Variants in C2CD3 observed in about 807,000 individuals in gnomAD.
The protein encoded by C2CD3 is C2 domain containing 3 centriole elongation regulator, also known as C2 domain-containing protein 3.
C2CD3 carries 148 observed loss-of-function variants against 234.0 expected under a neutral mutation model. That is an observed-to-expected ratio of 0.63 (90% CI 0.55 to 0.72). The LOEUF (loss-of-function observed/expected upper bound fraction) is 0.72, where lower values mean the gene tolerates loss of function less well. Ranked by LOEUF, C2CD3 falls within the 30% of genes least tolerant of loss-of-function variation. C2CD3 has a pLI of 0.00. For missense variants in C2CD3, 2,577 were observed against 2,811.5 expected (o/e 0.92, Z 1.89); for synonymous variants, 1,000 against 1,035.4 (o/e 0.97, Z 0.66).
At position 74,093,901 on chromosome 11, in the gene C2CD3, C is replaced by G. The variant is rs773620547; in HGVS notation, c.3259G>C (p.Val1087Leu). The change falls in exon 18 of 33, where the codon GTT (valine) becomes CTT (leucine). Residue 1087 changes from valine (V) to leucine (L), a missense_variant. By Grantham distance (32) the Val-to-Leu change is conservative. Transcript: ENST00000334126. ...CTTAGTAGGAGCCTTTGCACTGGAA[C>G]CTCAGCTGGCAACAGGAGAGAGTGA... ...HHHSLLLPAE[V>L]PVQRLLLSAF... 6.2e-7 allele frequency: 1 copy of G among 1,614,070 alleles called. No individual in the cohort carries two copies. The highest frequency in any genetic ancestry group is 8.5e-7 in the Non-Finnish European group (1 of 1,179,952).
chr11:74,087,781 C>T (rs182078477), intron 20 of C2CD3, among the ~76,000 whole-genome samples: 9 of 152,246 alleles, frequency 5.9e-5, no homozygotes, highest in African/African-American at 2.2e-4. Flanking sequence ...GTGTGTCATG[C>T]CTTGGGCTCA....
chr11:74,131,705 C>A (rs571736756), intron 7 of C2CD3, among the ~76,000 whole-genome samples: 9 of 152,122 alleles, frequency 5.9e-5, no homozygotes, highest in Admixed American at 3.3e-4. Context: ...CCTGCCTCAG[C>A]CTCCTGAGTA....
chr11:74,138,635 T>G, intron 5 of C2CD3, 85 bp downstream of exon 5: 1 of 1,080,214 alleles, frequency 9.3e-7, no homozygotes, highest in Non-Finnish European at 1.4e-6. Context: ...AACAAGAGTC[T>G]TGGTTCTCTT....
intron 26 of C2CD3, among the ~76,000 whole-genome samples, chr11:74,051,910 G>T (rs569793239): frequency 2.0e-5 from 3 of 152,270 alleles, no homozygotes; most frequent in South Asian, 4.1e-4. Context: ...AACACAGCTT[G>T]GTTGGATTTG....
chr11:74,034,390 C>A, intron 30 of C2CD3, 112 bp from the exon 31 acceptor site: 1 of 1,491,516 alleles, frequency 6.7e-7, no homozygotes. Flanking sequence ...TCTGAACAAA[C>A]CATAAAGAAA....
intron 3 of C2CD3, among the ~76,000 whole-genome samples, chr11:74,159,380 C>T (rs151250773): frequency 2.6e-5 from 4 of 152,194 alleles, no homozygotes; most frequent in African/African-American, 9.6e-5. Flanking sequence ...GAAGAAGGCA[C>T]TGTTATCATA....
At chr11:74,040,511 G>A (rs975538685) in intron 29 of C2CD3, among the ~76,000 whole-genome samples, 5 of 151,160 alleles carry the variant, frequency 3.3e-5, no homozygotes, top group African/African-American at 9.7e-5. Flanking sequence ...AATGGCTCAC[G>A]CCTGTAATCC....
At chr11:74,033,146 C>G (rs759126024) in intron 31 of C2CD3, among the ~76,000 whole-genome samples, 2 of 152,136 alleles carry the variant, frequency 1.3e-5, no homozygotes, top group African/African-American at 2.4e-5. Context: ...CTACGAATGC[C>G]TAAACCCAGT....
At chr11:74,160,568 T>C (rs964763914) in intron 3 of C2CD3, among the ~76,000 whole-genome samples, 4 of 151,936 alleles carry the variant, frequency 2.6e-5, no homozygotes, top group Non-Finnish European at 5.9e-5. Flanking sequence ...AGCAGAATAG[T>C]AGTTAACAAA....
At chr11:74,113,170 T>C (rs926458114) in intron 11 of C2CD3, 12 of 152,826 alleles carry the variant, frequency 7.9e-5, no homozygotes, top group African/African-American at 2.9e-4. Context: ...AAAAATATTA[T>C]GGTAAGTCAA....
At chr11:74,111,199 C>T (rs1413538774) in intron 11 of C2CD3, among the ~76,000 whole-genome samples, 1 of 152,182 alleles carries the variant, frequency 6.6e-6, no homozygotes, top group African/African-American at 2.4e-5. Flanking sequence ...TGAGTTTCCT[C>T]TTTCCTCTTT....
At chr11:74,082,418 T>G (rs947754412) in intron 22 of C2CD3, among the ~76,000 whole-genome samples, 2 of 152,158 alleles carry the variant, frequency 1.3e-5, no homozygotes, top group African/African-American at 4.8e-5. Flanking sequence ...CCCGGCTGAC[T>G]GTGGGTTTAT....
At chr11:74,115,207 C>G (rs1023820251) in intron 9 of C2CD3, among the ~76,000 whole-genome samples, 1 of 151,606 alleles carries the variant, frequency 6.6e-6, no homozygotes, top group Non-Finnish European at 1.5e-5. Context: ...CACACACACA[C>G]ACATACATAC....
rs561793316 is a variant in C2CD3 at position 74,050,676 on chromosome 11, G to A, written c.5156-1134C>T. Among the ~76,000 whole-genome samples the A allele has an allele frequency of 3.3e-5, 5 of 152,328 alleles. No homozygotes were observed. In the East Asian group the frequency reaches 9.6e-4, roughly 29 times the overall value. On this transcript the variant is annotated intron_variant, in intron 26 of 32. Coordinates refer to ENST00000334126, the MANE Select transcript of C2CD3 (RefSeq NM_001286577.2). ...CCACAGTTCCTTGGGCACATTCCTG[G>A]TGACACTAAATTCATCACATACTGC...
chr11:74,021,595 A>T (rs1374957396), intron 32 of C2CD3, among the ~76,000 whole-genome samples: 3 of 152,192 alleles, frequency 2.0e-5, no homozygotes, highest in African/African-American at 7.2e-5. Flanking sequence ...CCTTAGAAAT[A>T]AGTGAAGAAA....
intron 32 of C2CD3, among the ~76,000 whole-genome samples, chr11:74,026,014 G>T (rs760576929): frequency 1.3e-5 from 2 of 152,184 alleles, no homozygotes; most frequent in African/African-American, 4.8e-5. Flanking sequence ...CCACAAACCG[G>T]AGTAGTAAGA....
chr11:74,081,471 A>G (rs1300648190), intron 22 of C2CD3, among the ~76,000 whole-genome samples: 2 of 152,138 alleles, frequency 1.3e-5, no homozygotes, highest in African/African-American at 4.8e-5. Context: ...CTTAATCTCT[A>G]AGTTTTCTCA....
intron 7 of C2CD3, among the ~76,000 whole-genome samples, chr11:74,130,696 A>T (rs1341271997): frequency 1.3e-5 from 2 of 152,082 alleles, no homozygotes; most frequent in African/African-American, 4.8e-5. Context: ...TATTCCATTG[A>T]TTTATATGTC....
chr11:74,014,207 G>A (rs941253), intron 32 of C2CD3, among the ~76,000 whole-genome samples: 11,847 of 152,104 alleles, frequency 0.078, 1,424 homozygotes, highest in African/African-American at 0.26. Flanking sequence ...TGCTGAAGGA[G>A]CTCAAAGCTA....
Sources: allele counts gnomAD v4.1 joint callset (sites outside exome capture counted in the v4.1 genomes callset), GRCh38; gene constraint gnomAD v4.1.1; transcripts MANE v1.5; gene names NCBI Gene and HGNC (gene_info 2026-07-23, HGNC 2026-07-21).